GRIN3A: variants seen among roughly 807,000 people sequenced by gnomAD.
GRIN3A encodes glutamate ionotropic receptor NMDA type subunit 3A.
Under a neutral mutation model 92.4 loss-of-function variants are expected in GRIN3A, and 47 were observed. That is an observed-to-expected ratio of 0.51 (90% CI 0.40 to 0.65). The LOEUF (loss-of-function observed/expected upper bound fraction) is 0.65, where lower values mean the gene tolerates loss of function less well. GRIN3A is among the 30% of genes least tolerant of loss of function. GRIN3A has a pLI of 0.00. For missense variants in GRIN3A, 1,324 were observed against 1,393.1 expected (o/e 0.95, Z 0.79); for synonymous variants, 527 against 540.6 (o/e 0.97, Z 0.35).
chr9:101,583,284 C>T (rs772009840), intron 6 of GRIN3A, among the ~76,000 whole-genome samples: 3 of 152,148 alleles, frequency 2.0e-5, no homozygotes, highest in Non-Finnish European at 2.9e-5. Context: ...GCTATAACAA[C>T]TATCACAATT....
intron 6 of GRIN3A, among the ~76,000 whole-genome samples, chr9:101,602,523 A>G (rs570284028): frequency 6.6e-6 from 1 of 152,328 alleles, no homozygotes; most frequent in East Asian, 1.9e-4. Flanking sequence ...ACTGTCTCTC[A>G]CAATAGTCCT....
chr9:101,645,155 C>T (rs533496918), intron 3 of GRIN3A, among the ~76,000 whole-genome samples: 52 of 151,924 alleles, frequency 3.4e-4, no homozygotes, highest in African/African-American at 1.2e-3. Context: ...CATCACCCCT[C>T]CCCCCATGCT....
At chr9:101,705,694 G>A (rs773987323) in intron 1 of GRIN3A, among the ~76,000 whole-genome samples, 2 of 152,076 alleles carry the variant, frequency 1.3e-5, no homozygotes, top group Non-Finnish European at 2.9e-5. Flanking sequence ...CTGCAAAGGG[G>A]GATCAGAGAG....
At chr9:101,699,247 C>T (rs377436135) in intron 1 of GRIN3A, among the ~76,000 whole-genome samples, 42 of 152,128 alleles carry the variant, frequency 2.8e-4, no homozygotes, top group African/African-American at 9.9e-4. Flanking sequence ...TCACTGACTT[C>T]CACCTCTACC....
intron 2 of GRIN3A, among the ~76,000 whole-genome samples, chr9:101,676,466 G>C (rs1829396823): frequency 6.6e-6 from 1 of 151,692 alleles, no homozygotes; most frequent in Admixed American, 6.6e-5. Flanking sequence ...TGAAAACTAA[G>C]CTGAAGTTCT....
chr9:101,708,538 A>G (rs1351697155), intron 1 of GRIN3A, among the ~76,000 whole-genome samples: 3 of 152,206 alleles, frequency 2.0e-5, no homozygotes, highest in Non-Finnish European at 4.4e-5. Context: ...AAGGTCATAG[A>G]TATTAATGTG....
At position 101,609,136 on chromosome 9, in the gene GRIN3A, G is replaced by A. The variant is rs151166457; in HGVS notation, c.2766+4240C>T. ...GAGGCTGTGCAATTGCCAATGCTGGGGAATGAATCATGATTGGCCTAATCC... is the reference window on the plus strand; with the variant it reads ...GAGGCTGTGCAATTGCCAATGCTGGAGAATGAATCATGATTGGCCTAATCC... On this transcript the variant is annotated intron_variant, in intron 6 of 8. Coordinates refer to ENST00000361820, the MANE Select transcript of GRIN3A (RefSeq NM_133445.3). Among the ~76,000 whole-genome samples the A allele has an allele frequency of 3.3e-5, 5 of 152,270 alleles. No individual in the cohort carries two copies. In the East Asian group the frequency reaches 5.8e-4, roughly 18 times the overall value.
intron 3 of GRIN3A, among the ~76,000 whole-genome samples, chr9:101,659,324 A>G (rs1437876071): frequency 2.0e-5 from 3 of 151,510 alleles, no homozygotes; most frequent in Non-Finnish European, 4.4e-5. Context: ...ATATTTATAG[A>G]TATCTTATGA....
intron 3 of GRIN3A, among the ~76,000 whole-genome samples, chr9:101,637,096 T>A (rs1399485035): frequency 6.6e-6 from 1 of 152,088 alleles, no homozygotes; most frequent in Non-Finnish European, 1.5e-5. Context: ...CTGGACATTT[T>A]TTTTTTCTTT....
chr9:101,723,900 G>A (rs552293374), intron 1 of GRIN3A, among the ~76,000 whole-genome samples: 1 of 152,108 alleles, frequency 6.6e-6, no homozygotes, highest in Admixed American at 6.5e-5. Context: ...GTTCTCCAAG[G>A]TCCCACCAGA....
rs527277193 is a variant in GRIN3A, at chr9:101,603,199, A to G, written c.2766+10177T>C. ...AGAGTGTTTATCTCGGAGTTAGAAGATGCTTGTAATGATAAGATGCTCCTG... is the reference window on the plus strand; with the variant it reads ...AGAGTGTTTATCTCGGAGTTAGAAGGTGCTTGTAATGATAAGATGCTCCTG... On this transcript the variant is annotated intron_variant, in intron 6 of 8. Transcript: ENST00000361820. Among the ~76,000 whole-genome samples the G allele has an allele frequency of 2.0e-5, 3 of 152,264 alleles. No homozygotes were observed. In the South Asian group the frequency reaches 6.2e-4, roughly 32 times the overall value.
chr9:101,573,866 A>G (rs1313264186), intron 8 of GRIN3A, among the ~76,000 whole-genome samples: 2 of 151,520 alleles, frequency 1.3e-5, no homozygotes, highest in African/African-American at 2.4e-5. Context: ...CACACCTTGA[A>G]ACGTTTGATG....
intron 1 of GRIN3A, among the ~76,000 whole-genome samples, chr9:101,710,511 T>C (rs1829865268): frequency 6.6e-6 from 1 of 152,226 alleles, no homozygotes. Flanking sequence ...GATGGAGATC[T>C]CCTCTAGTTT....
intron 2 of GRIN3A, among the ~76,000 whole-genome samples, chr9:101,673,864 G>A (rs2118957081): frequency 6.6e-6 from 1 of 152,158 alleles, no homozygotes; most frequent in African/African-American, 2.4e-5. Context: ...TGGGGAGAGA[G>A]AAAGTGAGCA....
intron 6 of GRIN3A, among the ~76,000 whole-genome samples, chr9:101,598,438 T>G (rs2118823321): frequency 6.6e-6 from 1 of 152,286 alleles, no homozygotes; most frequent in East Asian, 1.9e-4. Flanking sequence ...ATTAATTAGG[T>G]ATTATATTAT....
chr9:101,738,018 G>T lies in GRIN3A; in HGVS notation c.-39C>A, dbSNP rs745938404. Reference sequence around the variant, plus strand: ...AGGGAGAAAGCGCGCCCCCTCCTGCGCCCGGCTCGCCCCTCTGCAGCCGCT... The same window carrying T: ...AGGGAGAAAGCGCGCCCCCTCCTGCTCCCGGCTCGCCCCTCTGCAGCCGCT... On this transcript the variant is annotated 5_prime_UTR_variant, in exon 1 of 9. Transcript: ENST00000361820. 1.3e-4 allele frequency: 194 copies of T among 1,501,036 alleles called. No homozygotes were observed. The highest frequency in any genetic ancestry group is 6.8e-4 in the South Asian group (57 of 83,250). 93.0% of individuals were successfully genotyped at this position (1,501,036 alleles called of 1,614,324 possible).
At chr9:101,643,518 C>T (rs1442462996) in intron 3 of GRIN3A, among the ~76,000 whole-genome samples, 1 of 151,614 alleles carries the variant, frequency 6.6e-6, no homozygotes, top group Non-Finnish European at 1.5e-5. Flanking sequence ...AAAAATAGAA[C>T]TGCTATATGA....
intron 3 of GRIN3A, among the ~76,000 whole-genome samples, chr9:101,635,960 G>C (rs1370922906): frequency 6.6e-6 from 1 of 152,084 alleles, no homozygotes; most frequent in Non-Finnish European, 1.5e-5. Flanking sequence ...TCTCAGCTCA[G>C]TGCAACCTCC....
rs773205602 is a variant in GRIN3A at position 101,670,726 on chromosome 9, A to G, written c.1686T>C (p.His562=). ...STLDSLFSSL[H]SSNDTVPIKF... is the part of the protein sequence containing the mutation. ...TAATGGGCACTGTATCATTACTGCT[A>G]TGGAGGCTGCTAAAAAGGCTGTCCA... is the stretch of plus-strand genomic sequence containing the variant. The change falls in exon 3 of 9, where the codon CAT becomes CAC. Residue 562 remains histidine, a synonymous_variant. Transcript: ENST00000361820. The G allele has an allele frequency of 1.9e-6, 3 of 1,614,074 alleles. No individual in the cohort carries two copies. The highest frequency in any genetic ancestry group is 2.2e-5 in the South Asian group (2 of 91,086).
Sources: allele counts gnomAD v4.1 joint callset (sites outside exome capture counted in the v4.1 genomes callset), GRCh38; gene constraint gnomAD v4.1.1; transcripts MANE v1.5; gene names NCBI Gene and HGNC (gene_info 2026-07-23, HGNC 2026-07-21).